The following AP1S3 variants were observed in gnomAD, a reference collection of about 807,000 sequenced individuals.
AP1S3 encodes the protein AP-1 complex subunit sigma-3.
A neutral mutation model predicts 20.9 loss-of-function variants in AP1S3; 10 were observed. The ratio of observed to expected loss-of-function variants is 0.48; its 90% CI spans 0.29 to 0.81. The LOEUF (loss-of-function observed/expected upper bound fraction) is 0.81, where lower values mean the gene tolerates loss of function less well. AP1S3 is among the 30% of genes least tolerant of loss of function. AP1S3 has a pLI of 0.08. For synonymous variants in AP1S3, 41 were observed against 61.5 expected, an observed-to-expected ratio of 0.67 and a Z score of 1.56; for missense variants, 154 against 183.8, an observed-to-expected ratio of 0.84 and a Z score of 0.94.
Position 223,758,618 on chromosome 2 carries a change from C to A in AP1S3, c.*97G>T. ...AAGAATCCCTTTAAATTATTTTTGG[C>A]ATGGTGCCTGAGGCTCCATCAAAAA... is the stretch of plus-strand genomic sequence containing the variant. On this transcript the variant is annotated 3_prime_UTR_variant, in exon 5 of 5. Transcript: ENST00000396654. The A allele has an allele frequency of 7.1e-7, 1 of 1,410,146 alleles. No individual in the cohort carries two copies. The highest frequency in any genetic ancestry group is 9.3e-7 in the Non-Finnish European group (1 of 1,076,508). The allele number at this position is 1,410,146 out of a possible 1,614,324, so 87.4% of individuals were successfully genotyped here. A position where few individuals can be genotyped will look rare whatever the true frequency, so the allele number is the denominator to read the frequency against.
chr2:223,795,298 C>G (rs967388697), intron 1 of AP1S3, among the ~76,000 whole-genome samples: 2 of 152,090 alleles, frequency 1.3e-5, no homozygotes, highest in African/African-American at 4.8e-5. Context: ...TCTGCTGAAG[C>G]CTTTTGTAAT....
chr2:223,790,045 A>G (rs1208949895), intron 1 of AP1S3, among the ~76,000 whole-genome samples: 1 of 152,184 alleles, frequency 6.6e-6, no homozygotes, highest in Non-Finnish European at 1.5e-5. Flanking sequence ...ACGAAACTTC[A>G]GAACAACCAG....
intron 1 of AP1S3, among the ~76,000 whole-genome samples, chr2:223,799,148 AG>A (rs1691412200): frequency 6.6e-6 from 1 of 151,474 alleles, no homozygotes; most frequent in Non-Finnish European, 1.5e-5. Flanking sequence ...ATACTAGAGT[AG>A]GGTGGGCCCC....
intron 3 of AP1S3, among the ~76,000 whole-genome samples, chr2:223,773,819 T>C (rs1690691603): frequency 6.6e-6 from 1 of 151,940 alleles, no homozygotes; most frequent in Admixed American, 6.6e-5. Flanking sequence ...GGGAAGAGGG[T>C]ATTATGAGAA....
At chr2:223,792,193 C>T (rs898862784) in intron 1 of AP1S3, among the ~76,000 whole-genome samples, 1 of 152,062 alleles carries the variant, frequency 6.6e-6, no homozygotes, top group Non-Finnish European at 1.5e-5. Context: ...ATAGCCAAGA[C>T]AATCCTAAGC....
intron 1 of AP1S3, among the ~76,000 whole-genome samples, chr2:223,791,856 G>GTTGGTGATA (rs1691222247): frequency 1.4e-4 from 22 of 152,116 alleles, no homozygotes; most frequent in Admixed American, 1.4e-3. Flanking sequence ...AAATGAATGT[G>GTTGGTGATA]CAAAAATCAC....
At chr2:223,837,422 C>G in intron 1 of AP1S3, 26 bp downstream of exon 1, 1 of 1,221,434 alleles carries the variant, frequency 8.2e-7, no homozygotes, top group Non-Finnish European at 1.0e-6. Context: ...ACCGCCTACC[C>G]GGGCCGGCGG....
intron 1 of AP1S3, among the ~76,000 whole-genome samples, chr2:223,821,203 G>C (rs1286328922): frequency 6.6e-6 from 1 of 152,124 alleles, no homozygotes; most frequent in East Asian, 1.9e-4. Flanking sequence ...GCCCAGGCTG[G>C]AGTGTGCAGT....
At chr2:223,770,530 A>ACACC (rs529875245) in intron 3 of AP1S3, among the ~76,000 whole-genome samples, 2 of 148,938 alleles carry the variant, frequency 1.3e-5, no homozygotes. Context: ...ACACACACAC[A>ACACC]CCCCTTGATA....
At chr2:223,787,779 C>T (rs774840500) in intron 1 of AP1S3, among the ~76,000 whole-genome samples, 11 of 152,088 alleles carry the variant, frequency 7.2e-5, no homozygotes, top group East Asian at 5.8e-4. Context: ...CTACACCATA[C>T]GATAAGTTTC....
At chr2:223,773,251 C>T in intron 3 of AP1S3, 1 of 1,282,468 alleles carries the variant, frequency 7.8e-7, no homozygotes. Context: ...TAGGAAAATA[C>T]AACAGGTCAA....
intron 1 of AP1S3, among the ~76,000 whole-genome samples, chr2:223,789,384 T>A (rs185952615): frequency 6.6e-6 from 1 of 151,608 alleles, no homozygotes; most frequent in Admixed American, 6.6e-5. Context: ...CCCAAAAAAA[T>A]AGATGTAAGC....
chr2:223,826,440 A>G (rs1692130138), intron 1 of AP1S3, among the ~76,000 whole-genome samples: 1 of 152,070 alleles, frequency 6.6e-6, no homozygotes, highest in African/African-American at 2.4e-5. Context: ...TAAAAATACA[A>G]AAATTAGCTG....
At chr2:223,832,133 CTCTGTGTGTGTGTG>C (rs1692283817) in intron 1 of AP1S3, among the ~76,000 whole-genome samples, 4 of 43,006 alleles carry the variant, frequency 9.3e-5, no homozygotes, top group South Asian at 8.0e-4. Flanking sequence ...GGAGTTTTCT[CTCTGTGTGTGTGTG>C]TGTGTGTGTG....
At chr2:223,787,768 A>G (rs113155315) in intron 1 of AP1S3, among the ~76,000 whole-genome samples, 30 of 152,208 alleles carry the variant, frequency 2.0e-4, no homozygotes, top group African/African-American at 7.2e-4. Context: ...ACACACACAA[A>G]CTACACCATA....
chr2:223,767,817 T>C lies in AP1S3; in HGVS notation c.292-2467A>G, dbSNP rs113836179. ...TCTAATTTCTCCATCTAATTCATTC[T>C]AGAGTTCAACCAACATACTTCCCCT... On this transcript the variant is annotated intron_variant, in intron 3 of 4. Transcript: ENST00000396654. Among the ~76,000 whole-genome samples the C allele has an allele frequency of 1.8e-3, 267 of 152,290 alleles. 1 individual carries two copies. The highest frequency in any genetic ancestry group is 5.9e-3 in the African/African-American group (245 of 41,586).
chr2:223,827,107 G>C (rs944886376), intron 1 of AP1S3, among the ~76,000 whole-genome samples: 5 of 152,080 alleles, frequency 3.3e-5, no homozygotes, highest in African/African-American at 1.2e-4. Context: ...CTGCCTTATT[G>C]TATATTCAAG....
At chr2:223,760,988 C>T (rs959711261) in intron 4 of AP1S3, among the ~76,000 whole-genome samples, 23 of 152,300 alleles carry the variant, frequency 1.5e-4, no homozygotes, top group African/African-American at 5.5e-4. Context: ...TCAGTGGCCT[C>T]TAGTCATTGG....
intron 1 of AP1S3, among the ~76,000 whole-genome samples, chr2:223,829,847 A>AC (rs990494484): frequency 1.3e-4 from 16 of 123,240 alleles, no homozygotes; most frequent in African/African-American, 4.9e-4. Flanking sequence ...AAAAAAAAAC[A>AC]AAAAAAAAAC....
Sources: gnomAD v4.1 joint callset for allele counts (sites outside exome capture counted in the v4.1 genomes callset) on GRCh38, gnomAD v4.1.1 for gene constraint, MANE v1.5 for transcripts, NCBI Gene and HGNC (gene_info 2026-07-23, HGNC 2026-07-21) for gene names.